The following CCDC141 variants were observed in gnomAD, a reference collection of about 807,000 sequenced individuals.
CCDC141 encodes the protein coiled-coil domain containing 141, also known as coiled-coil domain-containing protein 141.
CCDC141 carries 168 observed loss-of-function variants against 181.0 expected under a neutral mutation model. The observed-to-expected ratio is 0.93, with a 90% CI of 0.82 to 1.05. The LOEUF (loss-of-function observed/expected upper bound fraction) is 1.05, where lower values mean the gene tolerates loss of function less well. Among genes scored for constraint, CCDC141 ranks in the 50% least tolerant of loss-of-function variants. The pLI is 0.00. For synonymous variants in CCDC141, 666 were observed against 642.3 expected (o/e 1.04, Z -0.56); for missense variants, 1,902 against 1,788.5 (o/e 1.06, Z -1.14).
Position 178,863,034 on chromosome 2 carries a change from A to G in CCDC141, c.2724+2733T>C, listed in dbSNP as rs550072985. Reference sequence around the variant, plus strand: ...GAGGAAAGCATAAAAAAAAGAAGATATTTAACATCAGACCATGCAGTGGTT... The same window carrying G: ...GAGGAAAGCATAAAAAAAAGAAGATGTTTAACATCAGACCATGCAGTGGTT... On this transcript the variant is annotated intron_variant, in intron 17 of 23. Transcript: ENST00000443758. Among the ~76,000 whole-genome samples, 149 of 152,352 alleles carry G rather than the reference A, an allele frequency of 9.8e-4. 4 individuals are homozygous for G. The South Asian group carries it at 0.029, about 29-fold the overall frequency.
intron 2 of CCDC141, among the ~76,000 whole-genome samples, chr2:179,004,617 T>G (rs778152490): frequency 6.6e-6 from 1 of 152,226 alleles, no homozygotes; most frequent in Non-Finnish European, 1.5e-5. Flanking sequence ...ATCTGAAATT[T>G]CTATTCTATG....
At chr2:179,041,325 T>C (rs2043295366) in intron 2 of CCDC141, among the ~76,000 whole-genome samples, 1 of 151,904 alleles carries the variant, frequency 6.6e-6, no homozygotes, top group Admixed American at 6.6e-5. Flanking sequence ...ATAATAACAG[T>C]CATTCTGACT....
chr2:178,905,479 A>G lies in CCDC141; in HGVS notation c.1115T>C (p.Val372Ala). Reference sequence around the variant, plus strand: ...TTTAAGGAGCTTAAGGTAAGCTTCAACTCTTCCAAGTACATCAAATGCCTG... The same window carrying G: ...TTTAAGGAGCTTAAGGTAAGCTTCAGCTCTTCCAAGTACATCAAATGCCTG... ...ANKAFDVLGRVEAYLKLLKSE... is the reference protein window; with the variant it reads ...ANKAFDVLGRAEAYLKLLKSE... Residue 372 changes from valine (V) to alanine (A), a missense_variant, in exon 8 of 24, where the codon GTT becomes GCT. Physicochemically the swap from Val to Ala is moderately conservative, Grantham distance 64. Transcript: ENST00000443758. 1.3e-6 allele frequency: 2 copies of G among 1,549,436 alleles called. No homozygotes were observed. The highest frequency in any genetic ancestry group is 1.7e-6 in the Non-Finnish European group (2 of 1,146,632).
rs1056021789 is a variant in CCDC141 at position 178,856,161 on chromosome 2, T to C, written c.2865+96A>G. 1.1e-5 allele frequency: 12 copies of C among 1,132,780 alleles called. No homozygotes were observed. The African/African-American group carries it at 1.9e-4, about 18-fold the overall frequency. The allele number at this position is 1,132,780 out of a possible 1,614,324, so 70.2% of individuals were successfully genotyped here. A position where few individuals can be genotyped will look rare whatever the true frequency, so the allele number is the denominator to read the frequency against. On this transcript the variant is annotated intron_variant, in intron 18 of 23. Transcript: ENST00000443758. ...GTCCCAATGCTACAAAAAGCCAGAG[T>C]TAGGTATCTAGATTTGAAATTCAAA...
At chr2:178,987,971 A>G (rs1691836544) in intron 2 of CCDC141, among the ~76,000 whole-genome samples, 1 of 151,464 alleles carries the variant, frequency 6.6e-6, no homozygotes, top group Admixed American at 6.6e-5. Context: ...ATTACTGGGT[A>G]TATACCCAAA....
chr2:178,879,275 A>C (rs1686487381), intron 11 of CCDC141, among the ~76,000 whole-genome samples: 1 of 152,214 alleles, frequency 6.6e-6, no homozygotes, highest in East Asian at 1.9e-4. Context: ...CCAGACTTAA[A>C]TAGCTTGTAA....
chr2:179,049,375 C>G (rs942649051), intron 1 of CCDC141, among the ~76,000 whole-genome samples: 3 of 152,050 alleles, frequency 2.0e-5, no homozygotes, highest in African/African-American at 7.2e-5. Flanking sequence ...TTTCTGAGTT[C>G]CATCGTGCTT....
chr2:178,941,283 A>G (rs1251211849), intron 6 of CCDC141, among the ~76,000 whole-genome samples: 2 of 152,078 alleles, frequency 1.3e-5, no homozygotes, highest in African/African-American at 4.8e-5. Context: ...GTCCTGGATC[A>G]CCCCAGAATA....
At chr2:178,894,848 A>G (rs1687331870) in intron 8 of CCDC141, among the ~76,000 whole-genome samples, 1 of 152,192 alleles carries the variant, frequency 6.6e-6, no homozygotes, top group African/African-American at 2.4e-5. Context: ...ATATTTAAAA[A>G]GATACTTGCT....
intron 2 of CCDC141, among the ~76,000 whole-genome samples, chr2:179,006,030 G>C (rs546510643): frequency 1.3e-5 from 2 of 152,256 alleles, no homozygotes; most frequent in South Asian, 2.1e-4. Context: ...ACCTCCAACA[G>C]CCACAAAGAA....
chr2:178,856,875 G>A lies in CCDC141; in HGVS notation c.2725-478C>T, dbSNP rs188689142. On this transcript the variant is annotated intron_variant, in intron 17 of 23. Transcript: ENST00000443758. ...GCTGGGATTACAGGCTTGAGCCACC[G>A]CGCCTGGCCTCAGAGTGATTTTCAT... Among the ~76,000 whole-genome samples, 660 of 152,200 alleles carry A rather than the reference G, an allele frequency of 4.3e-3. 7 individuals are homozygous for A. Among genetic ancestry groups the A allele is most frequent in the African/African-American group, 0.015 (632 of 41,524 alleles).
intron 2 of CCDC141, among the ~76,000 whole-genome samples, chr2:178,988,573 A>G (rs1453778533): frequency 6.6e-6 from 1 of 152,198 alleles, no homozygotes; most frequent in African/African-American, 2.4e-5. Context: ...TTAAAAAGCA[A>G]TACTGTCTAA....
intron 2 of CCDC141, among the ~76,000 whole-genome samples, chr2:179,011,557 A>G (rs2042271187): frequency 6.6e-6 from 1 of 152,184 alleles, no homozygotes; most frequent in Non-Finnish European, 1.5e-5. Flanking sequence ...CACACACTAG[A>G]CAGATCATCA....
At chr2:178,879,799 G>A (rs1175355379) in intron 11 of CCDC141, among the ~76,000 whole-genome samples, 1 of 152,180 alleles carries the variant, frequency 6.6e-6, no homozygotes, top group Non-Finnish European at 1.5e-5. Context: ...GGCGTCAAAG[G>A]GGATCCCAGA....
At chr2:178,898,913 T>C (rs1305888337) in intron 8 of CCDC141, among the ~76,000 whole-genome samples, 1 of 152,178 alleles carries the variant, frequency 6.6e-6, no homozygotes, top group Non-Finnish European at 1.5e-5. Context: ...ATCTTCCCTA[T>C]TTCAAATATT....
intron 6 of CCDC141, among the ~76,000 whole-genome samples, chr2:178,926,195 C>G (rs1565289): frequency 0.96 from 146,114 of 152,236 alleles, 70,363 homozygotes; most frequent in East Asian, 1. Flanking sequence ...TTTGCAATCA[C>G]GGACAAGGAA....
chr2:178,910,048 G>T (rs1199889798), intron 7 of CCDC141, among the ~76,000 whole-genome samples: 1 of 152,092 alleles, frequency 6.6e-6, no homozygotes, highest in Non-Finnish European at 1.5e-5. Flanking sequence ...TCTTGTTTTG[G>T]TAAAGACTAA....
intron 17 of CCDC141, among the ~76,000 whole-genome samples, chr2:178,861,635 C>A (rs1227732386): frequency 7.1e-3 from 688 of 97,526 alleles, no homozygotes; most frequent in Admixed American, 9.5e-3. Context: ...GACTCAGTCT[C>A]AAAAAAAAAA....
intron 6 of CCDC141, among the ~76,000 whole-genome samples, chr2:178,923,347 G>A (rs1399666644): frequency 4.0e-5 from 6 of 151,816 alleles, no homozygotes; most frequent in South Asian, 2.1e-4. Flanking sequence ...CTCGTGATCC[G>A]CCCGCCTCGG....
Sources: allele counts gnomAD v4.1 joint callset (sites outside exome capture counted in the v4.1 genomes callset), GRCh38; gene constraint gnomAD v4.1.1; transcripts MANE v1.5; gene names NCBI Gene and HGNC (gene_info 2026-07-23, HGNC 2026-07-21).